The following IL1RL2 variants were observed in gnomAD, a reference collection of about 807,000 sequenced individuals.
IL1RL2 encodes interleukin-1 receptor-like 2.
Under a neutral mutation model 66.8 loss-of-function variants are expected in IL1RL2, and 68 were observed. The ratio of observed to expected loss-of-function variants is 1.02; its 90% CI spans 0.84 to 1.25. The LOEUF (loss-of-function observed/expected upper bound fraction) is 1.25, where lower values mean the gene tolerates loss of function less well. Ranked by LOEUF, IL1RL2 falls within the 50% of genes most tolerant of loss-of-function variation. IL1RL2 has a pLI of 0.00. For missense variants in IL1RL2, 729 were observed against 709.3 expected (o/e 1.03, Z -0.32); for synonymous variants, 305 against 264.6 (o/e 1.15, Z -1.48).
intron 5 of IL1RL2, among the ~76,000 whole-genome samples, chr2:102,209,591 G>C (rs1578139181): frequency 7.1e-6 from 1 of 139,888 alleles, no homozygotes; most frequent in Non-Finnish European, 1.6e-5. Flanking sequence ...GGGAGGGTGG[G>C]AGCTGAGGTC....
chr2:102,226,660 AAG>A (rs558383250), intron 9 of IL1RL2, among the ~76,000 whole-genome samples: 1 of 151,926 alleles, frequency 6.6e-6, no homozygotes, highest in Non-Finnish European at 1.5e-5. Context: ...GGAGGAAAGA[AAG>A]AGAGAGAGAG....
At chr2:102,213,058 C>T (rs188570075) in intron 6 of IL1RL2, among the ~76,000 whole-genome samples, 81 of 152,212 alleles carry the variant, frequency 5.3e-4, no homozygotes, top group African/African-American at 1.9e-3. Context: ...AGACAAAAAT[C>T]TCAAGATCTC....
chr2:102,190,028 G>C (rs35433412), intron 3 of IL1RL2, among the ~76,000 whole-genome samples: 6,562 of 152,266 alleles, frequency 0.043, 343 homozygotes, highest in African/African-American at 0.13. Flanking sequence ...TCCTATGAGC[G>C]CTTTTCACGA....
chr2:102,238,136 C>T (rs1675033028), intron 11 of IL1RL2, among the ~76,000 whole-genome samples: 1 of 152,164 alleles, frequency 6.6e-6, no homozygotes, highest in Admixed American at 6.5e-5. Flanking sequence ...CCCTGGGAAT[C>T]CCCAGGGACT....
At chr2:102,212,240 G>C (rs1330507824) in intron 6 of IL1RL2, 66 bp downstream of exon 6, 12 of 1,168,282 alleles carry the variant, frequency 1.0e-5, no homozygotes, top group Non-Finnish European at 1.5e-5. Context: ...GCATATTCTG[G>C]TGAATATTTT....
chr2:102,212,646 A>T (rs1436859821), intron 6 of IL1RL2, among the ~76,000 whole-genome samples: 1 of 152,214 alleles, frequency 6.6e-6, no homozygotes, highest in Non-Finnish European at 1.5e-5. Flanking sequence ...GTAGATAAAA[A>T]GGCATCAAAT....
chr2:102,218,095 CA>C (rs1002079929), intron 6 of IL1RL2, among the ~76,000 whole-genome samples: 1 of 151,672 alleles, frequency 6.6e-6, no homozygotes, highest in South Asian at 2.1e-4. Flanking sequence ...AACAAACAAA[CA>C]AAAAACAAAA....
intron 5 of IL1RL2, 114 bp downstream of exon 5, chr2:102,201,829 T>G: frequency 2.0e-6 from 2 of 976,552 alleles, no homozygotes. Flanking sequence ...TTGGTTTCCC[T>G]GAAGGCTAGT....
At chr2:102,198,466 A>G (rs1010432865) in intron 4 of IL1RL2, among the ~76,000 whole-genome samples, 1 of 152,148 alleles carries the variant, frequency 6.6e-6, no homozygotes, top group African/African-American at 2.4e-5. Flanking sequence ...TCCTCAGCAC[A>G]GTGGTTTTGG....
intron 5 of IL1RL2, among the ~76,000 whole-genome samples, chr2:102,203,778 G>A (rs914423882): frequency 4.6e-5 from 7 of 151,658 alleles, no homozygotes; most frequent in Non-Finnish European, 7.4e-5. Flanking sequence ...ATTCATTTCT[G>A]GTTTTATTTA....
intron 9 of IL1RL2, among the ~76,000 whole-genome samples, chr2:102,232,595 C>T (rs1691231399): frequency 6.6e-6 from 1 of 152,230 alleles, no homozygotes; most frequent in South Asian, 2.1e-4. Flanking sequence ...TTATTACAGC[C>T]ATGCACCACT....
chr2:102,197,651 T>C (rs2104743339), intron 4 of IL1RL2, among the ~76,000 whole-genome samples: 1 of 152,310 alleles, frequency 6.6e-6, no homozygotes, highest in Non-Finnish European at 1.5e-5. Context: ...TGCTGAAAGG[T>C]AAAGGTGAGG....
chr2:102,224,625 C>T (rs1690441230), intron 8 of IL1RL2, among the ~76,000 whole-genome samples: 1 of 151,950 alleles, frequency 6.6e-6, no homozygotes, highest in African/African-American at 2.4e-5. Context: ...GAAAAAAATA[C>T]AGTTTGATAG....
chr2:102,238,160 G>C (rs1173664222), intron 11 of IL1RL2, among the ~76,000 whole-genome samples: 2 of 152,176 alleles, frequency 1.3e-5, no homozygotes, highest in Non-Finnish European at 2.9e-5. Context: ...CTGGAGGTAG[G>C]GCTGCGAGCG....
Position 102,232,113 on chromosome 2 carries a change from CT to C in IL1RL2, c.1136-837del, listed in dbSNP as rs70946680. On this transcript the variant is annotated intron_variant, in intron 9 of 11. Coordinates refer to ENST00000264257, the MANE Select transcript of IL1RL2 (RefSeq NM_003854.4). ...TCATAGCTCACTGCATCCTTGAACT[CT>C]TTTTTTTTTTTTCCGAGACAGAGTT... Among the ~76,000 whole-genome samples, 96 of 144,224 alleles carry C rather than the reference CT, an allele frequency of 6.7e-4. 1 individual carries two copies. Among genetic ancestry groups the C allele is most frequent in the East Asian group, 1.6e-3 (8 of 5,000 alleles). The allele number at this position is 144,224 out of a possible 152,430, so 94.6% of individuals were successfully genotyped here. A position where few individuals can be genotyped will look rare whatever the true frequency, so the allele number is the denominator to read the frequency against.
chr2:102,187,193 A>G (rs909488514), intron 1 of IL1RL2, 107 bp downstream of exon 1: 32 of 1,232,068 alleles, frequency 2.6e-5, no homozygotes, highest in Middle Eastern at 3.1e-4. Flanking sequence ...ACCGCAGGCC[A>G]GGGATCAGGC....
At chr2:102,231,537 C>A (rs1691132227) in intron 9 of IL1RL2, among the ~76,000 whole-genome samples, 1 of 148,682 alleles carries the variant, frequency 6.7e-6, no homozygotes, top group Admixed American at 6.8e-5. Flanking sequence ...AAAATAAAAT[C>A]CAGGAGCGGT....
At chr2:102,205,163 T>C (rs1171329838) in intron 5 of IL1RL2, among the ~76,000 whole-genome samples, 1 of 152,170 alleles carries the variant, frequency 6.6e-6, no homozygotes. Context: ...CTTAACTTTA[T>C]TCCCCTGCTT....
At chr2:102,213,741 A>T (rs1322202851) in intron 6 of IL1RL2, among the ~76,000 whole-genome samples, 1 of 152,186 alleles carries the variant, frequency 6.6e-6, no homozygotes, top group African/African-American at 2.4e-5. Flanking sequence ...TATACAACTA[A>T]CCATTTGACT....
Sources: allele counts gnomAD v4.1 joint callset (sites outside exome capture counted in the v4.1 genomes callset), GRCh38; gene constraint gnomAD v4.1.1; transcripts MANE v1.5; gene names NCBI Gene and HGNC (gene_info 2026-07-23, HGNC 2026-07-21).